Variants in JADE2 observed in about 807,000 individuals in gnomAD.
The protein encoded by JADE2 is jade family PHD finger 2.
In JADE2, 13 loss-of-function variants were observed where a neutral mutation model predicts 85.7. The ratio of observed to expected loss-of-function variants is 0.15; its 90% CI spans 0.10 to 0.24. The LOEUF is 0.24. JADE2 is among the 10% of genes least tolerant of loss of function. The pLI, the probability that JADE2 is intolerant of heterozygous loss-of-function variation, is 1.00. For synonymous variants in JADE2, 440 were observed against 456.1 expected, an observed-to-expected ratio of 0.96 and a Z score of 0.45; for missense variants, 846 against 1,115.9, an observed-to-expected ratio of 0.76 and a Z score of 3.45.
intron 3 of JADE2, among the ~76,000 whole-genome samples, chr5:134,538,649 C>T (rs1018076896): frequency 2.0e-5 from 3 of 152,104 alleles, no homozygotes; most frequent in African/African-American, 4.8e-5. Context: ...AACTGAGAAG[C>T]GCACTGGGGG....
chr5:134,558,418 G>A (rs1283949185), intron 4 of JADE2, among the ~76,000 whole-genome samples: 2 of 148,918 alleles, frequency 1.3e-5, no homozygotes, highest in Non-Finnish European at 3.0e-5. Context: ...GGCTTTTGTT[G>A]CCATTGCTTT....
At chr5:134,537,964 C>T (rs775328331) in intron 2 of JADE2, 25 bp from the exon 3 acceptor site, 1 of 1,595,458 alleles carries the variant, frequency 6.3e-7, no homozygotes, top group African/African-American at 1.3e-5. Context: ...TCCAGGACCC[C>T]TAATGGACTG....
intron 9 of JADE2, among the ~76,000 whole-genome samples, chr5:134,568,938 G>T (rs1206632212): frequency 6.6e-6 from 1 of 152,250 alleles, no homozygotes; most frequent in East Asian, 1.9e-4. Context: ...TGGGCACTAA[G>T]CCAGCCTGGG....
At chr5:134,535,593 C>G (rs563696165) in intron 1 of JADE2, among the ~76,000 whole-genome samples, 1 of 152,082 alleles carries the variant, frequency 6.6e-6, no homozygotes, top group African/African-American at 2.4e-5. Context: ...CATGTCCTCT[C>G]CCTCTACAAC....
At chr5:134,569,474 C>G (rs1763859175) in intron 9 of JADE2, among the ~76,000 whole-genome samples, 1 of 152,250 alleles carries the variant, frequency 6.6e-6, no homozygotes, top group Admixed American at 6.5e-5. Context: ...GGCATGGCCA[C>G]TGCAGCCTCC....
At chr5:134,568,177 T>C (rs375139343) in intron 9 of JADE2, among the ~76,000 whole-genome samples, 3 of 152,192 alleles carry the variant, frequency 2.0e-5, no homozygotes, top group Admixed American at 6.5e-5. Flanking sequence ...GACTCACTTA[T>C]GTAGTCATCA....
Position 134,556,773 on chromosome 5 carries a change from CCA to C in JADE2, c.312-3047_312-3046del, listed in dbSNP as rs762051810. 4.6e-4 allele frequency among the ~76,000 whole-genome samples: 61 copies of C among 133,138 alleles called. 1 individual carries two copies. Among genetic ancestry groups the C allele is most frequent in the Non-Finnish European group, 6.7e-4 (42 of 63,058 alleles). 87.3% of individuals were successfully genotyped at this position (133,138 alleles called of 152,430 possible). On this transcript the variant is annotated intron_variant, in intron 4 of 11. Transcript: ENST00000681547. ...CATACCACATGCACACGCACGCACA[CCA>C]CACACACACCTCACACATCACACAA...
chr5:134,557,268 A>ATTTTTTT (rs59125974), intron 4 of JADE2, among the ~76,000 whole-genome samples: 13 of 137,830 alleles, frequency 9.4e-5, no homozygotes, highest in Non-Finnish European at 1.4e-4. Flanking sequence ...TTATTTTTTT[A>ATTTTTTT]TTTTTTTTTT....
At chr5:134,544,703 A>C (rs1486835724) in intron 3 of JADE2, among the ~76,000 whole-genome samples, 2 of 151,974 alleles carry the variant, frequency 1.3e-5, no homozygotes. Flanking sequence ...ACCAATGTGT[A>C]GCACTTAGTC....
At chr5:134,544,070 A>G (rs1420316639) in intron 3 of JADE2, among the ~76,000 whole-genome samples, 3 of 152,260 alleles carry the variant, frequency 2.0e-5, no homozygotes, top group African/African-American at 7.2e-5. Context: ...GGGCAGAGAC[A>G]CAGGCGGAAG....
chr5:134,563,646 C>G (rs1763465957), intron 7 of JADE2, among the ~76,000 whole-genome samples: 1 of 152,264 alleles, frequency 6.6e-6, no homozygotes, highest in African/African-American at 2.4e-5. Context: ...GTGGCACTCT[C>G]CTTCCTGGGC....
chr5:134,562,148 A>G lies in JADE2; in HGVS notation c.685-52A>G. ...GACCAAATGCAGCTGACTGCTGACC[A>G]GACACAGATTGGCCAGTTCCGCTGA... On this transcript the variant is annotated intron_variant, in intron 6 of 11. Coordinates refer to ENST00000681547, the MANE Select transcript of JADE2 (RefSeq NM_001388185.1). The surrounding 1 kb of genome is among the most constrained non-coding windows in gnomAD (Gnocchi z 4.6). 1 of 1,540,952 alleles carries G rather than the reference A, an allele frequency of 6.5e-7. No homozygotes were observed. The highest frequency in any genetic ancestry group is 8.8e-7 in the Non-Finnish European group (1 of 1,137,722).
chr5:134,536,159 C>G (rs1761573472), intron 2 of JADE2, among the ~76,000 whole-genome samples: 1 of 152,208 alleles, frequency 6.6e-6, no homozygotes, highest in East Asian at 1.9e-4. Flanking sequence ...TAGGTCCCAG[C>G]TCCATTTGTT....
At chr5:134,572,418 G>A (rs544095697) in intron 9 of JADE2, among the ~76,000 whole-genome samples, 11 of 152,348 alleles carry the variant, frequency 7.2e-5, no homozygotes, top group East Asian at 1.9e-4. Flanking sequence ...ATACCCGTAC[G>A]CAGAAGAGAG....
rs1445269468 is a variant in JADE2 at position 134,553,385 on chromosome 5, C to T, written c.311+1176C>T. On this transcript the variant is annotated intron_variant, in intron 4 of 11. Transcript: ENST00000681547. ...TTCTTTTTTTTTTGAGACGGAGTCTCGCTCTTTCGCCAGGCTGGAGTAGAG... is the reference window on the plus strand; with the variant it reads ...TTCTTTTTTTTTTGAGACGGAGTCTTGCTCTTTCGCCAGGCTGGAGTAGAG... 5.5e-5 allele frequency among the ~76,000 whole-genome samples: 8 copies of T among 145,666 alleles called. No homozygotes were observed. In the East Asian group the frequency reaches 1.0e-3, roughly 18 times the overall value.
chr5:134,568,167 G>T (rs1342024190), intron 9 of JADE2, among the ~76,000 whole-genome samples: 4 of 152,204 alleles, frequency 2.6e-5, no homozygotes, highest in Non-Finnish European at 5.9e-5. Flanking sequence ...TCAAGGGCTT[G>T]ACTCACTTAT....
intron 1 of JADE2, among the ~76,000 whole-genome samples, chr5:134,530,573 A>C (rs1162143468): frequency 2.0e-5 from 3 of 152,200 alleles, no homozygotes; most frequent in African/African-American, 7.2e-5. Context: ...ATGGAGGCCC[A>C]GGGTGTTTAT....
intron 4 of JADE2, among the ~76,000 whole-genome samples, chr5:134,557,206 G>T (rs1370294302): frequency 2.1e-5 from 3 of 143,662 alleles, no homozygotes; most frequent in African/African-American, 2.7e-5. Flanking sequence ...TTGTTATTAT[G>T]ATGATGATGA....
chr5:134,533,745 T>C (rs938422724), intron 1 of JADE2, among the ~76,000 whole-genome samples: 1 of 47,946 alleles, frequency 2.1e-5, no homozygotes, highest in African/African-American at 6.8e-5. Context: ...TCTTTTTTTT[T>C]TTTTTTTTTT....
Sources: allele counts gnomAD v4.1 joint callset (sites outside exome capture counted in the v4.1 genomes callset), GRCh38; gene constraint gnomAD v4.1.1; non-coding constraint Gnocchi (gnomAD v3.1); transcripts MANE v1.5; gene names NCBI Gene and HGNC (gene_info 2026-07-23, HGNC 2026-07-21).